ZNF362: variants seen among roughly 807,000 people sequenced by gnomAD.
ZNF362 encodes the protein zinc finger protein 362.
In ZNF362, 11 loss-of-function variants were observed where a neutral mutation model predicts 42.9. The observed-to-expected ratio is 0.26, with a 90% CI of 0.16 to 0.42. ZNF362 has a LOEUF of 0.42. Ranked by LOEUF, ZNF362 falls within the 20% of genes least tolerant of loss-of-function variation. The pLI, the probability that ZNF362 is intolerant of heterozygous loss-of-function variation, is 1.00. For synonymous variants in ZNF362, 255 were observed against 257.3 expected, an observed-to-expected ratio of 0.99 and a Z score of 0.09; for missense variants, 362 against 576.2, an observed-to-expected ratio of 0.63 and a Z score of 3.81.
At chr1:33,147,648 G>T in the ZNF362 span, 2 of 1,613,956 alleles carry the variant, frequency 1.2e-6, no homozygotes, top group Non-Finnish European at 1.7e-6. The surrounding 1 kb of genome is among the most constrained non-coding windows in gnomAD (Gnocchi z 8.1). Context: ...GCAAGTTGCC[G>T]TAAGCCACAA....
At chr1:33,247,137 A>G in the ZNF362 span, among the ~76,000 whole-genome samples, 2 of 152,158 alleles carry the variant, frequency 1.3e-5, no homozygotes, top group Non-Finnish European at 2.9e-5. Context: ...GAATTAGTAG[A>G]CTGGTAACCC....
the ZNF362 span, among the ~76,000 whole-genome samples, chr1:33,158,698 A>G: frequency 1.3e-5 from 2 of 152,222 alleles, no homozygotes; most frequent in Non-Finnish European, 2.9e-5. Context: ...ATTGATCACC[A>G]ACAAACCAAT....
At chr1:33,181,565 G>A in the ZNF362 span, 3 of 1,398,572 alleles carry the variant, frequency 2.1e-6, no homozygotes, top group African/African-American at 3.0e-5. The surrounding 1 kb of genome is among the most constrained non-coding windows in gnomAD (Gnocchi z 6.5). Flanking sequence ...AGCTACCGGA[G>A]AAGGGAGGGG....
chr1:33,254,756 G>A (rs1304463195), upstream of ZNF362, among the ~76,000 whole-genome samples: 1 of 152,084 alleles, frequency 6.6e-6, no homozygotes, highest in Admixed American at 6.5e-5. Context: ...CGCTTGGGGA[G>A]GACGTCACTA....
the ZNF362 span, among the ~76,000 whole-genome samples, chr1:33,197,323 G>A: frequency 2.4e-4 from 36 of 152,188 alleles, no homozygotes; most frequent in South Asian, 7.3e-3. Flanking sequence ...CCTTGTAATC[G>A]TGTGAGCCAA....
At chr1:33,248,812 A>G in the ZNF362 span, among the ~76,000 whole-genome samples, 1 of 152,216 alleles carries the variant, frequency 6.6e-6, no homozygotes, top group East Asian at 1.9e-4. Flanking sequence ...AGCAAGTTGA[A>G]TAATGGCTAG....
In ZNF362 at chr1:33,276,093, C is replaced by A. The variant is rs776737692; in HGVS notation, c.39-7C>A. 2 of 1,614,030 alleles carry A rather than the reference C, an allele frequency of 1.2e-6. No homozygotes were observed. Among genetic ancestry groups the A allele is most frequent in the Non-Finnish European group, 1.7e-6 (2 of 1,179,996 alleles). On this transcript the variant is annotated splice_polypyrimidine_tract_variant and splice_region_variant and intron_variant, in intron 2 of 8. Transcript: ENST00000539719. ...TCTTCCCGGTGACAGTCGCTCTCTTCCCGCAGGATGGCCGAGCCTCGATTT... is the reference window on the plus strand; with the variant it reads ...TCTTCCCGGTGACAGTCGCTCTCTTACCGCAGGATGGCCGAGCCTCGATTT...
chr1:33,249,243 C>G, the ZNF362 span, among the ~76,000 whole-genome samples: 1 of 152,170 alleles, frequency 6.6e-6, no homozygotes. Flanking sequence ...AGTGCCTGTG[C>G]AAAGTCCCTG....
At chr1:33,138,874 A>G in the ZNF362 span, among the ~76,000 whole-genome samples, 1 of 152,220 alleles carries the variant, frequency 6.6e-6, no homozygotes, top group South Asian at 2.1e-4. Flanking sequence ...CCCGAGGTCC[A>G]GGGAGGTGGC....
the ZNF362 span, among the ~76,000 whole-genome samples, chr1:33,202,484 G>T: frequency 4.0e-3 from 608 of 152,052 alleles, 2 homozygotes; most frequent in African/African-American, 0.014. Flanking sequence ...TGTAGTCCCA[G>T]CTACTGGGGA....
At chr1:33,128,305 A>C in the ZNF362 span, among the ~76,000 whole-genome samples, 1 of 151,500 alleles carries the variant, frequency 6.6e-6, no homozygotes, top group East Asian at 1.9e-4. Flanking sequence ...TGAGCCTGGG[A>C]GGTCGAGGCT....
At chr1:33,149,925 A>G in the ZNF362 span, among the ~76,000 whole-genome samples, 1 of 152,266 alleles carries the variant, frequency 6.6e-6, no homozygotes, top group East Asian at 1.9e-4. Context: ...CTTGTGGCAC[A>G]TTTCCGGAAA....
At chr1:33,159,903 G>A in the ZNF362 span, 122 of 1,609,358 alleles carry the variant, frequency 7.6e-5, 1 homozygote, top group African/African-American at 1.1e-3. The surrounding 1 kb of genome is among the most constrained non-coding windows in gnomAD (Gnocchi z 4.2). Context: ...GCAGCCGCTC[G>A]AAGGCCTCGC....
upstream of ZNF362, among the ~76,000 whole-genome samples, chr1:33,254,403 A>G (rs550629524): frequency 2.3e-3 from 348 of 152,240 alleles, 2 homozygotes; most frequent in Non-Finnish European, 3.9e-3. Context: ...TTACAGGCAT[A>G]AGCCACTGCA....
the ZNF362 span, chr1:33,159,846 C>A: frequency 6.2e-7 from 1 of 1,613,572 alleles, no homozygotes; most frequent in South Asian, 1.1e-5. This position sits in a 1 kb window ranked among gnomAD's most constrained non-coding sequence, Gnocchi z 4.2. Flanking sequence ...CCGTGTCCGC[C>A]TCCAGCTCCT....
the ZNF362 span, among the ~76,000 whole-genome samples, chr1:33,218,004 T>A: frequency 1.3e-5 from 2 of 152,222 alleles, no homozygotes; most frequent in Non-Finnish European, 2.9e-5. Flanking sequence ...ATGAGCAGAA[T>A]CCAGTTACGT....
At position 33,281,692 on chromosome 1, in the gene ZNF362, C is replaced by G; in HGVS notation, c.789C>G (p.Ser263=). Residue 263 remains serine (S), a synonymous_variant, in exon 6 of 9, where the codon TCC becomes TCG. Coordinates refer to ENST00000539719, the MANE Select transcript of ZNF362 (RefSeq NM_152493.3). This position sits in a 1 kb window ranked among gnomAD's most constrained non-coding sequence, Gnocchi z 4.8. ...KPHKCPHCSK[S]FANASYLAQH... Reference sequence around the variant, plus strand: ...ACAAGTGCCCGCACTGCTCCAAGTCCTTTGCCAACGCCTCCTACCTGGCCC... The same window carrying G: ...ACAAGTGCCCGCACTGCTCCAAGTCGTTTGCCAACGCCTCCTACCTGGCCC... 1 of 1,614,280 alleles carries G rather than the reference C, an allele frequency of 6.2e-7. No individual in the cohort carries two copies. The highest frequency in any genetic ancestry group is 8.5e-7 in the Non-Finnish European group (1 of 1,180,048).
At chr1:33,181,901 A>T in the ZNF362 span, 1 of 170,882 alleles carries the variant, frequency 5.9e-6, no homozygotes, top group Non-Finnish European at 1.3e-5. The surrounding 1 kb of genome is among the most constrained non-coding windows in gnomAD (Gnocchi z 6.5). Flanking sequence ...GCCGAGCCGT[A>T]CATTGGCTGT....
the ZNF362 span, chr1:33,158,307 T>C: frequency 6.2e-7 from 1 of 1,614,028 alleles, no homozygotes; most frequent in Non-Finnish European, 8.5e-7. Flanking sequence ...AGGGGGCCTG[T>C]GTACTTGGAG....
Sources: allele counts gnomAD v4.1 joint callset (sites outside exome capture counted in the v4.1 genomes callset), GRCh38; gene constraint gnomAD v4.1.1; non-coding constraint Gnocchi (gnomAD v3.1); transcripts MANE v1.5; gene names NCBI Gene and HGNC (gene_info 2026-07-23, HGNC 2026-07-21).